The following LRMDA variants were observed in gnomAD, a reference collection of about 807,000 sequenced individuals.
The protein encoded by LRMDA is leucine rich melanocyte differentiation associated.
LRMDA carries 18 observed loss-of-function variants against 29.8 expected under a neutral mutation model. That is an observed-to-expected ratio of 0.60 (90% confidence interval 0.42 to 0.90). The LOEUF (loss-of-function observed/expected upper bound fraction) is 0.90. Ranked by LOEUF, LRMDA falls within the 40% of genes least tolerant of loss-of-function variation. The pLI is 0.00. For synonymous variants in LRMDA, 125 were observed against 109.4 expected, an observed-to-expected ratio of 1.14 and a Z score of -0.89; for missense variants, 273 against 273.9, an observed-to-expected ratio of 1.00 and a Z score of 0.02.
intron 5 of LRMDA, among the ~76,000 whole-genome samples, chr10:76,262,136 GGT>G: frequency 6.6e-6 from 1 of 152,300 alleles, no homozygotes; most frequent in East Asian, 1.9e-4. Context: ...CTACCCAGGA[GGT>G]GGAGGTGGGA....
At chr10:75,841,649 C>G (rs1844543365) in intron 2 of LRMDA, among the ~76,000 whole-genome samples, 1 of 152,318 alleles carries the variant, frequency 6.6e-6, no homozygotes, top group East Asian at 1.9e-4. Context: ...AGTTCAGCTG[C>G]TTTGAGATCC....
At chr10:76,311,598 A>C (rs1840630119) in intron 5 of LRMDA, among the ~76,000 whole-genome samples, 1 of 152,194 alleles carries the variant, frequency 6.6e-6, no homozygotes, top group African/African-American at 2.4e-5. Flanking sequence ...TTCCCCCTTT[A>C]ATACCATGTT....
intron 2 of LRMDA, among the ~76,000 whole-genome samples, chr10:75,665,205 C>T (rs1003113657): frequency 2.6e-5 from 4 of 152,206 alleles, no homozygotes; most frequent in African/African-American, 9.6e-5. Flanking sequence ...TTTCTGTTGT[C>T]AGCGGTAGAA....
At chr10:75,740,261 C>T (rs531675384) in intron 2 of LRMDA, among the ~76,000 whole-genome samples, 1 of 152,338 alleles carries the variant, frequency 6.6e-6, no homozygotes, top group South Asian at 2.1e-4. Context: ...CTGACGCAGA[C>T]CGACGGGAGC....
chr10:76,051,687 T>C (rs7085723), intron 4 of LRMDA, among the ~76,000 whole-genome samples: 63 of 152,318 alleles, frequency 4.1e-4, no homozygotes, highest in African/African-American at 1.4e-3. Flanking sequence ...AGGTAACATT[T>C]GAAAGAGGCT....
chr10:75,937,848 C>T (rs1320524335), intron 2 of LRMDA, among the ~76,000 whole-genome samples: 2 of 152,214 alleles, frequency 1.3e-5, no homozygotes, highest in Non-Finnish European at 2.9e-5. Flanking sequence ...GTATGATACA[C>T]AAGGTGACCC....
intron 6 of LRMDA, among the ~76,000 whole-genome samples, chr10:76,550,421 T>C (rs992814612): frequency 7.9e-5 from 12 of 152,274 alleles, no homozygotes; most frequent in African/African-American, 1.9e-4. Flanking sequence ...ACAGGAAGCA[T>C]GGTTTGAAGT....
intron 2 of LRMDA, among the ~76,000 whole-genome samples, chr10:75,525,609 T>TG (rs369113259): frequency 1.4e-5 from 2 of 147,790 alleles, no homozygotes; most frequent in Non-Finnish European, 3.0e-5. Context: ...TTTTTTTTTT[T>TG]GTGAGAAAAG....
chr10:75,691,506 C>T (rs1218172642), intron 2 of LRMDA, among the ~76,000 whole-genome samples: 1 of 152,084 alleles, frequency 6.6e-6, no homozygotes, highest in Non-Finnish European at 1.5e-5. Context: ...CTACCTTGTT[C>T]CCACTGCTCT....
rs535971865 is a variant in LRMDA at position 75,952,084 on chromosome 10, C to T, written c.132-83924C>T. Among the ~76,000 whole-genome samples, 31 of 152,248 alleles carry T rather than the reference C, an allele frequency of 2.0e-4. 1 individual carries two copies. The South Asian group carries it at 6.4e-3, about 32-fold the overall frequency. ...CCCAGGAGTCACCCCGGGGGAAGTG[C>T]CATTTTCCAGACTCATCTCAGAAAC... is the stretch of plus-strand genomic sequence containing the variant. On this transcript the variant is annotated intron_variant, in intron 2 of 6. Coordinates refer to ENST00000611255, the MANE Select transcript of LRMDA (RefSeq NM_001305581.2).
intron 2 of LRMDA, among the ~76,000 whole-genome samples, chr10:75,549,378 A>G (rs1840115870): frequency 6.6e-6 from 1 of 152,146 alleles, no homozygotes; most frequent in Non-Finnish European, 1.5e-5. Flanking sequence ...GCATGCTTAG[A>G]TTTTGGTATT....
chr10:75,569,435 C>CT (rs550351982), intron 2 of LRMDA, among the ~76,000 whole-genome samples: 20 of 152,142 alleles, frequency 1.3e-4, no homozygotes, highest in Non-Finnish European at 2.6e-4. Context: ...TTGTGTTTAG[C>CT]TTTGTTATAA....
intron 5 of LRMDA, among the ~76,000 whole-genome samples, chr10:76,222,643 A>C (rs1027452855): frequency 6.6e-6 from 1 of 152,218 alleles, no homozygotes; most frequent in Non-Finnish European, 1.5e-5. Flanking sequence ...GATGTGGAGA[A>C]ATAGGAACAC....
chr10:75,677,249 G>A (rs1841970877), intron 2 of LRMDA, among the ~76,000 whole-genome samples: 1 of 152,132 alleles, frequency 6.6e-6, no homozygotes, highest in Non-Finnish European at 1.5e-5. Flanking sequence ...AAGAGGCTTA[G>A]ATATTCTTGG....
At chr10:76,143,654 C>T (rs973986691) in intron 5 of LRMDA, among the ~76,000 whole-genome samples, 6 of 152,180 alleles carry the variant, frequency 3.9e-5, no homozygotes, top group African/African-American at 1.4e-4. Context: ...CCTGTTCACT[C>T]TGATGGTAGT....
intron 5 of LRMDA, among the ~76,000 whole-genome samples, chr10:76,301,110 G>A (rs1207066653): frequency 6.6e-6 from 1 of 152,022 alleles, no homozygotes; most frequent in African/African-American, 2.4e-5. Flanking sequence ...CCTGCCCTCA[G>A]TTATATTAAA....
intron 2 of LRMDA, among the ~76,000 whole-genome samples, chr10:75,547,669 A>G (rs1840095760): frequency 6.6e-6 from 1 of 152,364 alleles, no homozygotes; most frequent in Middle Eastern, 3.4e-3. Flanking sequence ...TATGGTATGT[A>G]ATAAATCTCC....
chr10:75,812,157 T>G (rs1226383421), intron 2 of LRMDA, among the ~76,000 whole-genome samples: 3 of 147,620 alleles, frequency 2.0e-5, no homozygotes, highest in South Asian at 2.2e-4. Flanking sequence ...GGCATTAGTT[T>G]GCTTCATATG....
intron 5 of LRMDA, among the ~76,000 whole-genome samples, chr10:76,251,872 G>A (rs1054436193): frequency 6.6e-6 from 1 of 152,182 alleles, no homozygotes; most frequent in Non-Finnish European, 1.5e-5. Context: ...GAGTCCAGCC[G>A]GTGGTGGAGC....
Sources: allele counts gnomAD v4.1 joint callset (sites outside exome capture counted in the v4.1 genomes callset), GRCh38; gene constraint gnomAD v4.1.1; transcripts MANE v1.5; gene names NCBI Gene and HGNC (gene_info 2026-07-23, HGNC 2026-07-21).